Variants in GABRB3 observed in about 807,000 individuals in gnomAD.
The protein encoded by GABRB3 is gamma-aminobutyric acid receptor subunit beta-3.
In GABRB3, 14 loss-of-function variants were observed where a neutral mutation model predicts 52.1. The observed-to-expected ratio is 0.27, with a 90% CI of 0.18 to 0.42. The LOEUF is 0.42. GABRB3 is among the 10% of genes least tolerant of loss of function. GABRB3 has a pLI of 1.00. For synonymous variants in GABRB3, 260 were observed against 232.3 expected, an observed-to-expected ratio of 1.12 and a Z score of -1.08; for missense variants, 307 against 609.1, an observed-to-expected ratio of 0.50 and a Z score of 5.22.
rs1433604409 is a variant in GABRB3 at position 26,621,893 on chromosome 15, TC to T, written c.241-360del. On this transcript the variant is annotated intron_variant, in intron 3 of 8. Coordinates refer to ENST00000311550, the MANE Select transcript of GABRB3 (RefSeq NM_000814.6). The surrounding 1 kb of genome is among the most constrained non-coding windows in gnomAD (Gnocchi z 4.1). The stretch of plus-strand genomic sequence containing the variant: ...AGATTGTTCCCATGGATGTTCTCTT[TC>T]CCACCAGGCAGACAGGTGCTTTAAC... Among the ~76,000 whole-genome samples the T allele has an allele frequency of 6.6e-6, 1 of 151,198 alleles. No homozygotes were observed. Among genetic ancestry groups the T allele is most frequent in the Non-Finnish European group, 1.5e-5 (1 of 67,712 alleles).
chr15:26,559,159 A>G (rs1241569995), intron 8 of GABRB3, among the ~76,000 whole-genome samples: 1 of 152,212 alleles, frequency 6.6e-6, no homozygotes, highest in African/African-American at 2.4e-5. Flanking sequence ...TTGGGTGGGG[A>G]CACAGATTCC....
intron 4 of GABRB3, chr15:26,614,719 T>A (rs1483457153): frequency 6.6e-6 from 1 of 152,212 alleles, no homozygotes; most frequent in Non-Finnish European, 1.5e-5. Context: ...CAGAATAAGA[T>A]GCTAGTCAAA....
chr15:26,645,923 C>A (rs1595506158), intron 3 of GABRB3, among the ~76,000 whole-genome samples: 2 of 150,078 alleles, frequency 1.3e-5, no homozygotes, highest in East Asian at 2.0e-4. Context: ...TCTCGTGGCA[C>A]AAGAAGATTA....
intron 6 of GABRB3, among the ~76,000 whole-genome samples, chr15:26,575,048 G>A (rs1890546004): frequency 6.6e-6 from 1 of 151,936 alleles, no homozygotes; most frequent in South Asian, 2.1e-4. Flanking sequence ...CTCCTACTTT[G>A]GTGCTTTCTC....
intron 3 of GABRB3, among the ~76,000 whole-genome samples, chr15:26,738,630 C>T (rs1367753412): frequency 6.6e-6 from 1 of 152,086 alleles, no homozygotes; most frequent in Non-Finnish European, 1.5e-5. Context: ...GCCTGTTCAC[C>T]CCCTTCTTTG....
chr15:26,559,641 G>A lies in GABRB3; in HGVS notation c.1080+1291C>T, dbSNP rs78072407. ...AACTATAATGTGCTTTCATTCAAAT[G>A]TTGTTTATAATCACAATAACATACT... On this transcript the variant is annotated intron_variant, in intron 8 of 8. Coordinates refer to ENST00000311550, the MANE Select transcript of GABRB3 (RefSeq NM_000814.6). 9.8e-3 allele frequency among the ~76,000 whole-genome samples: 1,498 copies of A among 152,296 alleles called. 33 individuals are homozygous for A. Among genetic ancestry groups the A allele is most frequent in the African/African-American group, 0.035 (1,436 of 41,564 alleles).
intron 6 of GABRB3, among the ~76,000 whole-genome samples, chr15:26,577,658 G>A (rs1260649692): frequency 2.6e-5 from 4 of 152,168 alleles, no homozygotes; most frequent in Admixed American, 6.5e-5. Context: ...AGTTACAGTC[G>A]TGCCCCTCGT....
chr15:26,585,900 G>A (rs2140744334), intron 4 of GABRB3, among the ~76,000 whole-genome samples: 1 of 152,268 alleles, frequency 6.6e-6, no homozygotes, highest in African/African-American at 2.4e-5. Flanking sequence ...TGCCTATAAT[G>A]CAAAATTAGA....
rs145738368 is a variant in GABRB3 at position 26,723,877 on chromosome 15, T to C, written c.240+48525A>G. Reference sequence around the variant, plus strand: ...TTATCAGACACGTGATGTAAACCAATTGTACCAGTGTTCCCTGACTTCCTT... The same window carrying C: ...TTATCAGACACGTGATGTAAACCAACTGTACCAGTGTTCCCTGACTTCCTT... On this transcript the variant is annotated intron_variant, in intron 3 of 8. Transcript: ENST00000311550. 5.8e-3 allele frequency among the ~76,000 whole-genome samples: 884 copies of C among 152,222 alleles called. 6 individuals are homozygous for C. The highest frequency in any genetic ancestry group is 0.02 in the African/African-American group (848 of 41,542).
chr15:26,663,617 G>A (rs1234846591), intron 3 of GABRB3, among the ~76,000 whole-genome samples: 3 of 152,056 alleles, frequency 2.0e-5, no homozygotes, highest in Admixed American at 6.5e-5. Flanking sequence ...TGAGTTTATC[G>A]GAAAGCATGC....
chr15:26,574,007 TG>T (rs1890505382), intron 6 of GABRB3, among the ~76,000 whole-genome samples: 1 of 152,186 alleles, frequency 6.6e-6, no homozygotes, highest in African/African-American at 2.4e-5. Flanking sequence ...GCCAAGATTG[TG>T]CCACTGCACT....
rs115049618 is a variant in GABRB3, at chr15:26,703,459, T to C, written c.240+68943A>G. On this transcript the variant is annotated intron_variant, in intron 3 of 8. Coordinates refer to ENST00000311550, the MANE Select transcript of GABRB3 (RefSeq NM_000814.6). ...AGGACTCATTCAAACCACAACAATC[T>C]GATTCTGGCCCCCTAAACGCTGTCC... Among the ~76,000 whole-genome samples, 405 of 152,306 alleles carry C rather than the reference T, an allele frequency of 2.7e-3. 5 individuals are homozygous for C. The highest frequency in any genetic ancestry group is 9.2e-3 in the African/African-American group (384 of 41,568).
intron 3 of GABRB3, among the ~76,000 whole-genome samples, chr15:26,714,561 T>C (rs913984342): frequency 4.6e-5 from 7 of 152,108 alleles, no homozygotes; most frequent in Non-Finnish European, 8.8e-5. Context: ...TTCCAGGTCA[T>C]AGGTAGATAA....
rs1889236834 is a variant in GABRB3 at position 26,546,296 on chromosome 15, A to G, written c.*1497T>C. 1.3e-5 allele frequency: 2 copies of G among 152,606 alleles called. No homozygotes were observed. The highest frequency in any genetic ancestry group is 2.9e-5 in the Non-Finnish European group (2 of 68,038). 9.5% of individuals were successfully genotyped at this position (152,606 alleles called of 1,614,324 possible). On this transcript the variant is annotated 3_prime_UTR_variant, in exon 9 of 9. Coordinates refer to ENST00000311550, the MANE Select transcript of GABRB3 (RefSeq NM_000814.6). ...GATAGAAATATTGTTTACAAAAAAT[A>G]TATCATCTCTTTTTTTTTTCTTTAG...
intron 3 of GABRB3, among the ~76,000 whole-genome samples, chr15:26,728,734 A>G (rs1257542537): frequency 6.6e-6 from 1 of 152,198 alleles, no homozygotes; most frequent in East Asian, 1.9e-4. Context: ...CAGACTTTCA[A>G]ACTCAAAGGA....
intron 3 of GABRB3, among the ~76,000 whole-genome samples, chr15:26,714,550 C>T (rs988248204): frequency 2.0e-5 from 3 of 152,146 alleles, no homozygotes; most frequent in Admixed American, 2.0e-4. Context: ...TGGGGCGGGG[C>T]TTCCAGGTCA....
intron 6 of GABRB3, 36 bp downstream of exon 6, chr15:26,580,283 G>A: frequency 6.2e-7 from 1 of 1,613,634 alleles, no homozygotes; most frequent in South Asian, 1.1e-5. Flanking sequence ...TGGAGCCAGT[G>A]CCCCTGAAGG....
chr15:26,577,667 G>GT (rs1213067819), intron 6 of GABRB3, among the ~76,000 whole-genome samples: 1 of 152,016 alleles, frequency 6.6e-6, no homozygotes, highest in African/African-American at 2.4e-5. Context: ...CGTGCCCCTC[G>GT]TAACGACCTG....
At position 26,580,588 on chromosome 15, in the gene GABRB3, G is replaced by C. The variant is rs1890754280; in HGVS notation, c.545-132C>G. The C allele has an allele frequency of 7.9e-6, 9 of 1,133,576 alleles. No homozygotes were observed. The South Asian group carries it at 1.1e-4, about 14-fold the overall frequency. 70.2% of individuals were successfully genotyped at this position (1,133,576 alleles called of 1,614,324 possible). On this transcript the variant is annotated intron_variant, in intron 5 of 8. Transcript: ENST00000311550. ...TAGATTTGCTTAATGTGCTTGTCTA[G>C]GGGAAGTGTCATCAAAGAACTAACT...
Sources: gnomAD v4.1 joint callset for allele counts (sites outside exome capture counted in the v4.1 genomes callset) on GRCh38, gnomAD v4.1.1 for gene constraint, Gnocchi (gnomAD v3.1) non-coding constraint, MANE v1.5 for transcripts, NCBI Gene and HGNC (gene_info 2026-07-23, HGNC 2026-07-21) for gene names.